The following IMMP2L variants were observed in gnomAD, a reference collection of about 807,000 sequenced individuals.
IMMP2L encodes inner mitochondrial membrane peptidase subunit 2.
A neutral mutation model predicts 19.3 loss-of-function variants in IMMP2L; 18 were observed. That is an observed-to-expected ratio of 0.93 (90% CI 0.64 to 1.38). IMMP2L has a LOEUF of 1.38. Among genes scored for constraint, IMMP2L ranks in the 40% most tolerant of loss-of-function variants. IMMP2L has a pLI of 0.00. For synonymous variants in IMMP2L, 76 were observed against 73.0 expected, an observed-to-expected ratio of 1.04 and a Z score of -0.21; for missense variants, 233 against 218.2, an observed-to-expected ratio of 1.07 and a Z score of -0.43.
intron 3 of IMMP2L, among the ~76,000 whole-genome samples, chr7:111,345,985 G>A (rs1221662820): frequency 6.6e-6 from 1 of 152,110 alleles, no homozygotes. Flanking sequence ...CTTGTCTTCA[G>A]ATTAAATAGC....
intron 5 of IMMP2L, among the ~76,000 whole-genome samples, chr7:110,820,863 T>C (rs1802961573): frequency 2.6e-5 from 4 of 152,036 alleles, no homozygotes; most frequent in Admixed American, 2.0e-4. Context: ...GAACACACCT[T>C]TTCAACTTTC....
Position 111,227,799 on chromosome 7 carries a change from G to C in IMMP2L, c.239+259439C>G, listed in dbSNP as rs116615116. Among the ~76,000 whole-genome samples, 1,361 of 152,162 alleles carry C rather than the reference G, an allele frequency of 8.9e-3. 25 individuals carry two copies. The highest frequency in any genetic ancestry group is 0.031 in the African/African-American group (1,305 of 41,518). ...TATCAATAAAGAATTCCTAGAAACAGAATTCTGGCATCTACAAAAAATATA... is the reference window on the plus strand; with the variant it reads ...TATCAATAAAGAATTCCTAGAAACACAATTCTGGCATCTACAAAAAATATA... On this transcript the variant is annotated intron_variant, in intron 3 of 5. Transcript: ENST00000405709.
At chr7:111,144,999 G>A (rs1001766859) in intron 3 of IMMP2L, among the ~76,000 whole-genome samples, 1 of 152,096 alleles carries the variant, frequency 6.6e-6, no homozygotes. Context: ...ACCTGGGAGA[G>A]TTGAGCTAAA....
chr7:110,689,990 C>T (rs1462640006), intron 5 of IMMP2L, among the ~76,000 whole-genome samples: 1 of 152,108 alleles, frequency 6.6e-6, no homozygotes, highest in Non-Finnish European at 1.5e-5. Context: ...ATTCAAAGTC[C>T]TGAGACGAAA....
intron 5 of IMMP2L, among the ~76,000 whole-genome samples, chr7:110,699,642 G>A (rs1026544469): frequency 5.9e-5 from 9 of 151,826 alleles, no homozygotes; most frequent in Non-Finnish European, 1.2e-4. Context: ...ATGGTGGTGC[G>A]CACCTGTAAT....
chr7:111,286,051 C>G (rs1186258105), intron 3 of IMMP2L, among the ~76,000 whole-genome samples: 1 of 151,966 alleles, frequency 6.6e-6, no homozygotes, highest in Non-Finnish European at 1.5e-5. Flanking sequence ...TACAGGATTC[C>G]AAAAGGATTT....
At chr7:111,035,584 T>A (rs576950650) in intron 3 of IMMP2L, among the ~76,000 whole-genome samples, 2 of 152,268 alleles carry the variant, frequency 1.3e-5, no homozygotes, top group East Asian at 3.9e-4. Flanking sequence ...ATTGTATACA[T>A]GCTGACATAT....
chr7:111,292,270 T>A (rs1039010865), intron 3 of IMMP2L, among the ~76,000 whole-genome samples: 1 of 152,158 alleles, frequency 6.6e-6, no homozygotes, highest in African/African-American at 2.4e-5. Flanking sequence ...AACCTTTTAA[T>A]AATTTCTGTT....
At chr7:111,180,762 A>G (rs10953683) in intron 3 of IMMP2L, among the ~76,000 whole-genome samples, 110,022 of 151,920 alleles carry the variant, frequency 0.72, 42,267 homozygotes, top group East Asian at 0.91. Context: ...ACACGTATAT[A>G]TTGACAAAGC....
At chr7:111,125,092 A>G in intron 3 of IMMP2L, 1 of 498,296 alleles carries the variant, frequency 2.0e-6, no homozygotes, top group Non-Finnish European at 3.6e-6. Context: ...CATTTTAAGT[A>G]ACTGGCTTCA....
chr7:111,165,624 G>A (rs1047437972), intron 3 of IMMP2L, among the ~76,000 whole-genome samples: 1 of 151,798 alleles, frequency 6.6e-6, no homozygotes, highest in Non-Finnish European at 1.5e-5. Flanking sequence ...TTTAAAAATC[G>A]TGATTTACTT....
chr7:111,126,211 C>A (rs1801294158), intron 3 of IMMP2L, among the ~76,000 whole-genome samples: 1 of 152,228 alleles, frequency 6.6e-6, no homozygotes, highest in South Asian at 2.1e-4. Flanking sequence ...TGATTCAAAA[C>A]AGTTAAGGAG....
intron 2 of IMMP2L, among the ~76,000 whole-genome samples, chr7:111,508,735 G>T (rs1441874871): frequency 6.6e-6 from 1 of 152,138 alleles, no homozygotes; most frequent in Non-Finnish European, 1.5e-5. Context: ...AAACCAATTA[G>T]GAAAGGGTAG....
intron 5 of IMMP2L, among the ~76,000 whole-genome samples, chr7:110,876,437 A>C (rs1186224760): frequency 6.6e-6 from 1 of 152,150 alleles, no homozygotes; most frequent in African/African-American, 2.4e-5. Flanking sequence ...TGCCACTCCC[A>C]ATGTCAGGGA....
intron 5 of IMMP2L, among the ~76,000 whole-genome samples, chr7:110,808,518 G>T (rs1333256807): frequency 1.3e-5 from 2 of 152,000 alleles, no homozygotes; most frequent in African/African-American, 2.4e-5. Flanking sequence ...AAAACATATG[G>T]CACAAGATCC....
intron 4 of IMMP2L, among the ~76,000 whole-genome samples, chr7:110,890,538 T>A (rs967873904): frequency 6.6e-6 from 1 of 152,176 alleles, no homozygotes; most frequent in African/African-American, 2.4e-5. Flanking sequence ...GCCAAAGAAA[T>A]ATAATACTCC....
At chr7:111,422,060 TC>T (rs1835611645) in intron 3 of IMMP2L, among the ~76,000 whole-genome samples, 1 of 151,860 alleles carries the variant, frequency 6.6e-6, no homozygotes, top group Non-Finnish European at 1.5e-5. Context: ...TTCTGAGCCC[TC>T]TGTTCTGTTC....
chr7:111,472,932 C>T (rs1271458693), intron 3 of IMMP2L, among the ~76,000 whole-genome samples: 1 of 148,580 alleles, frequency 6.7e-6, no homozygotes, highest in African/African-American at 2.5e-5. Context: ...CAAGTCTCTA[C>T]TAAAAGAAAA....
chr7:110,795,057 A>T (rs1800769028), intron 5 of IMMP2L, among the ~76,000 whole-genome samples: 1 of 152,132 alleles, frequency 6.6e-6, no homozygotes, highest in Non-Finnish European at 1.5e-5. Flanking sequence ...GACTCTGGGC[A>T]GTCAGGGTGA....
Sources: gnomAD v4.1 joint callset for allele counts (sites outside exome capture counted in the v4.1 genomes callset) on GRCh38, gnomAD v4.1.1 for gene constraint, MANE v1.5 for transcripts, NCBI Gene and HGNC (gene_info 2026-07-23, HGNC 2026-07-21) for gene names.